EPHA6: variants seen among roughly 807,000 people sequenced by gnomAD.
EPHA6 encodes EPH receptor A6, also known as ephrin type-A receptor 6.
Under a neutral mutation model 112.0 loss-of-function variants are expected in EPHA6, and 50 were observed. The observed-to-expected ratio is 0.45, with a 90% CI of 0.36 to 0.56. EPHA6 has a LOEUF of 0.56. Among genes scored for constraint, EPHA6 ranks in the 20% least tolerant of loss-of-function variants. The probability of loss-of-function intolerance (pLI) is 0.00; values close to 1 mark genes in which losing one functional copy is unlikely to be tolerated. For synonymous variants in EPHA6, 529 were observed against 490.7 expected (o/e 1.08, Z -1.03); for missense variants, 1,280 against 1,417.4 (o/e 0.90, Z 1.56).
At chr3:97,505,521 TC>T (rs1291879290) in intron 10 of EPHA6, among the ~76,000 whole-genome samples, 1 of 152,210 alleles carries the variant, frequency 6.6e-6, no homozygotes, top group Non-Finnish European at 1.5e-5. Context: ...CATGAACTCA[TC>T]CTTTTTTATG....
intron 12 of EPHA6, among the ~76,000 whole-genome samples, chr3:97,595,660 A>C (rs1003233615): frequency 5.5e-5 from 8 of 145,274 alleles, no homozygotes; most frequent in African/African-American, 2.2e-4. Flanking sequence ...AAGAAAAAAA[A>C]GGAAATCACA....
chr3:96,964,783 G>A (rs574318335), intron 2 of EPHA6, among the ~76,000 whole-genome samples: 20 of 152,224 alleles, frequency 1.3e-4, no homozygotes, highest in African/African-American at 3.9e-4. Flanking sequence ...GTGTATGCAT[G>A]TGCACATTGT....
At chr3:97,063,933 G>C (rs1459764945) in intron 3 of EPHA6, among the ~76,000 whole-genome samples, 1 of 152,048 alleles carries the variant, frequency 6.6e-6, no homozygotes, top group Non-Finnish European at 1.5e-5. Flanking sequence ...TTGATAACTG[G>C]AACAATGGAT....
At chr3:97,192,770 G>A (rs549907696) in intron 3 of EPHA6, among the ~76,000 whole-genome samples, 13 of 152,222 alleles carry the variant, frequency 8.5e-5, no homozygotes, top group South Asian at 2.1e-4. Flanking sequence ...TTAGATTTAC[G>A]TTTTTAATCA....
intron 3 of EPHA6, among the ~76,000 whole-genome samples, chr3:97,078,270 G>A (rs1451928697): frequency 6.6e-6 from 1 of 152,090 alleles, no homozygotes; most frequent in Non-Finnish European, 1.5e-5. Flanking sequence ...ATTTGTTTAA[G>A]TTCTTTGCAG....
chr3:97,639,929 T>G (rs1239483500), intron 14 of EPHA6, among the ~76,000 whole-genome samples: 1 of 149,836 alleles, frequency 6.7e-6, no homozygotes, highest in African/African-American at 2.4e-5. Flanking sequence ...AGGTATCAAT[T>G]AAATGGCAAA....
At chr3:97,538,832 A>C (rs2092798274) in intron 11 of EPHA6, among the ~76,000 whole-genome samples, 1 of 152,206 alleles carries the variant, frequency 6.6e-6, no homozygotes, top group African/African-American at 2.4e-5. Context: ...AGATATGTGC[A>C]CACTGCAATC....
chr3:96,924,257 A>G (rs2039920312), intron 2 of EPHA6, among the ~76,000 whole-genome samples: 3 of 152,154 alleles, frequency 2.0e-5, no homozygotes, highest in South Asian at 4.1e-4. Context: ...CATTTTCACA[A>G]TGTTGTTTCT....
At chr3:97,705,042 C>T (rs900915016) in intron 14 of EPHA6, among the ~76,000 whole-genome samples, 23 of 151,992 alleles carry the variant, frequency 1.5e-4, no homozygotes, top group African/African-American at 5.6e-4. Context: ...TTTTATCATC[C>T]CCTTGCTTAA....
At chr3:97,728,128 C>T (rs1282525743) in intron 15 of EPHA6, among the ~76,000 whole-genome samples, 1 of 151,920 alleles carries the variant, frequency 6.6e-6, no homozygotes, top group Non-Finnish European at 1.5e-5. Flanking sequence ...AGAGCATTTT[C>T]AAATTCCCTT....
At chr3:97,627,564 T>C (rs560748746) in intron 13 of EPHA6, among the ~76,000 whole-genome samples, 10 of 151,906 alleles carry the variant, frequency 6.6e-5, no homozygotes, top group Non-Finnish European at 1.3e-4. Context: ...GTATTTATGC[T>C]TGATGAACAT....
At chr3:96,904,630 A>G (rs1295808530) in intron 2 of EPHA6, among the ~76,000 whole-genome samples, 1 of 152,000 alleles carries the variant, frequency 6.6e-6, no homozygotes, top group African/African-American at 2.4e-5. Flanking sequence ...ACTCTTCACA[A>G]TAAATGTTTT....
chr3:97,617,427 A>G (rs2093776171), intron 13 of EPHA6, among the ~76,000 whole-genome samples: 1 of 152,164 alleles, frequency 6.6e-6, no homozygotes, highest in African/African-American at 2.4e-5. Flanking sequence ...ACACATAACA[A>G]TACTAACCTG....
chr3:97,652,849 A>G (rs1351498543), intron 14 of EPHA6, among the ~76,000 whole-genome samples: 1 of 152,010 alleles, frequency 6.6e-6, no homozygotes, highest in African/African-American at 2.4e-5. Flanking sequence ...TATTTGCTTA[A>G]GCATCTGAGT....
At chr3:96,873,829 A>T (rs899066103) in intron 2 of EPHA6, among the ~76,000 whole-genome samples, 4 of 152,132 alleles carry the variant, frequency 2.6e-5, no homozygotes, top group Non-Finnish European at 4.4e-5. Context: ...GTCCCTGAAT[A>T]TTCAGATTAT....
intron 11 of EPHA6, among the ~76,000 whole-genome samples, chr3:97,540,102 T>C (rs1204398164): frequency 2.0e-5 from 3 of 152,226 alleles, no homozygotes; most frequent in Non-Finnish European, 4.4e-5. Context: ...CTGTACTTTC[T>C]CTGTTCTTCT....
chr3:97,395,488 A>G lies in EPHA6; in HGVS notation c.1607-9662A>G, dbSNP rs191974895. ...ACAGGTAAAATTATCGTTTTTGATT[A>G]TACTGTCTCCTTCCTGAGCATACAC... On this transcript the variant is annotated intron_variant, in intron 5 of 17. Coordinates refer to ENST00000389672, the MANE Select transcript of EPHA6 (RefSeq NM_001080448.3). Among the ~76,000 whole-genome samples the G allele has an allele frequency of 8.5e-4, 129 of 151,888 alleles. No individual in the cohort carries two copies. The East Asian group carries it at 0.022, about 26-fold the overall frequency.
intron 2 of EPHA6, among the ~76,000 whole-genome samples, chr3:96,954,185 C>T (rs2041666017): frequency 6.6e-6 from 1 of 152,238 alleles, no homozygotes; most frequent in Non-Finnish European, 1.5e-5. Flanking sequence ...TCAGTAGCAT[C>T]TTAACCGCTG....
rs1215743733 is a variant in EPHA6, at chr3:97,750,502, G to A, written c.*1801G>A. On this transcript the variant is annotated 3_prime_UTR_variant, in exon 18 of 18. Coordinates refer to ENST00000389672, the MANE Select transcript of EPHA6 (RefSeq NM_001080448.3). ...CACCCGAGTAGCTGGGATTACAGGC[G>A]CCTGCCACCACTCCCGGCTAATTTT... 1.3e-5 allele frequency among the ~76,000 whole-genome samples: 2 copies of A among 151,880 alleles called. No individual in the cohort carries two copies. Among genetic ancestry groups the A allele is most frequent in the East Asian group, 1.9e-4 (1 of 5,166 alleles).
Sources: allele counts gnomAD v4.1 joint callset (sites outside exome capture counted in the v4.1 genomes callset), GRCh38; gene constraint gnomAD v4.1.1; transcripts MANE v1.5; gene names NCBI Gene and HGNC (gene_info 2026-07-23, HGNC 2026-07-21).